RERE: variants seen among roughly 807,000 people sequenced by gnomAD.
RERE encodes arginine-glutamic acid dipeptide repeats, also known as arginine-glutamic acid dipeptide repeats protein.
In RERE, 40 loss-of-function variants were observed where a neutral mutation model predicts 146.1. That is an observed-to-expected ratio of 0.27 (90% CI 0.21 to 0.36). The LOEUF is 0.36. RERE is among the 10% of genes least tolerant of loss of function. RERE has a pLI of 1.00. For missense variants in RERE, 1,933 were observed against 2,138.7 expected, an observed-to-expected ratio of 0.90 and a Z score of 1.90; for synonymous variants, 1,003 against 866.0, an observed-to-expected ratio of 1.16 and a Z score of -2.78.
At chr1:8,664,445 A>G (rs1357054073) in intron 1 of RERE, among the ~76,000 whole-genome samples, 2 of 152,162 alleles carry the variant, frequency 1.3e-5, no homozygotes, top group African/African-American at 4.8e-5. Context: ...GATCCACACA[A>G]GTACATGTCT....
chr1:8,687,385 G>C (rs552639563), intron 1 of RERE, among the ~76,000 whole-genome samples: 5 of 152,124 alleles, frequency 3.3e-5, no homozygotes, highest in South Asian at 2.1e-4. Flanking sequence ...CCCACCATGA[G>C]GCCAAGGAGG....
intron 2 of RERE, among the ~76,000 whole-genome samples, chr1:8,652,533 G>C (rs1647679831): frequency 6.6e-6 from 1 of 152,228 alleles, no homozygotes; most frequent in Non-Finnish European, 1.5e-5. Context: ...ATAAAGGACA[G>C]AGGTTTAATT....
intron 1 of RERE, among the ~76,000 whole-genome samples, chr1:8,656,881 A>C (rs1490920274): frequency 1.3e-5 from 2 of 152,224 alleles, no homozygotes; most frequent in Non-Finnish European, 2.9e-5. Context: ...TGAGAGGCCA[A>C]GCCAGAAGGA....
intron 1 of RERE, among the ~76,000 whole-genome samples, chr1:8,699,282 G>C (rs968002377): frequency 6.6e-5 from 10 of 152,064 alleles, no homozygotes; most frequent in Admixed American, 3.9e-4. Flanking sequence ...ACTTACCCCA[G>C]GTATCACAGT....
Position 8,465,959 on chromosome 1 carries a change from T to C in RERE, c.1169A>G (p.Lys390Arg), listed in dbSNP as rs780701387. The C allele has an allele frequency of 6.8e-5, 110 of 1,614,060 alleles. No homozygotes were observed. The highest frequency in any genetic ancestry group is 8.9e-5 in the Non-Finnish European group (105 of 1,180,026). Residue 390 changes from lysine to arginine, a missense_variant, in exon 11 of 23, where the codon AAG becomes AGG. Around this residue, in one of 11 missense-constraint regions of RERE, gnomAD observed 260 missense variants for 378.4 expected, o/e 0.69. Coordinates refer to ENST00000400908, the MANE Select transcript of RERE (RefSeq NM_001042681.2). Reference protein sequence around the residue: ...LQRLVKKPVPKLIEKCWTEDE... With the variant: ...LQRLVKKPVPRLIEKCWTEDE... ...CTCGGTCCAGCACTTCTCGATGAGC[T>C]TGGGCACAGGCTTCTTCACCAGGCG...
At chr1:8,695,472 AG>A (rs1322088093) in intron 1 of RERE, among the ~76,000 whole-genome samples, 1 of 151,680 alleles carries the variant, frequency 6.6e-6, no homozygotes, top group Non-Finnish European at 1.5e-5. Context: ...ACAAAGGGCC[AG>A]GCATGGTAGC....
At chr1:8,558,549 C>T (rs1003426952) in intron 4 of RERE, among the ~76,000 whole-genome samples, 3 of 152,080 alleles carry the variant, frequency 2.0e-5, no homozygotes, top group African/African-American at 7.2e-5. Flanking sequence ...TCAAGAAATG[C>T]CTCATGTTTA....
chr1:8,726,837 C>T (rs1639979423), intron 1 of RERE, among the ~76,000 whole-genome samples: 1 of 151,898 alleles, frequency 6.6e-6, no homozygotes, highest in Admixed American at 6.6e-5. Context: ...AAGAAGTCTC[C>T]CTCTATTGCC....
chr1:8,730,476 G>A (rs1327262554), intron 1 of RERE, among the ~76,000 whole-genome samples: 1 of 152,094 alleles, frequency 6.6e-6, no homozygotes, highest in Admixed American at 6.5e-5. Context: ...CCAAGTAGCT[G>A]GGATTACAGG....
intron 8 of RERE, among the ~76,000 whole-genome samples, chr1:8,500,679 G>C (rs1645122032): frequency 6.6e-6 from 1 of 150,770 alleles, no homozygotes; most frequent in Admixed American, 6.6e-5. Flanking sequence ...CCATCGTCTG[G>C]GATATGAGGA....
intron 2 of RERE, among the ~76,000 whole-genome samples, chr1:8,627,180 A>G (rs1363376411): frequency 1.3e-5 from 2 of 152,112 alleles, no homozygotes; most frequent in Admixed American, 6.5e-5. Context: ...CTTCTTTTAC[A>G]TAACATTAAC....
chr1:8,463,777 G>C (rs746981205), intron 11 of RERE, among the ~76,000 whole-genome samples: 3 of 152,204 alleles, frequency 2.0e-5, no homozygotes, highest in Non-Finnish European at 4.4e-5. Flanking sequence ...GGAGACTGAA[G>C]AGAGAGGAGA....
intron 19 of RERE, 35 bp downstream of exon 19, chr1:8,359,729 C>T (rs770144760): frequency 4.4e-6 from 7 of 1,591,190 alleles, no homozygotes; most frequent in East Asian, 2.2e-5. Context: ...GATGGACCAG[C>T]GCCCCCCGTC....
At chr1:8,463,690 G>A (rs1041446993) in intron 11 of RERE, among the ~76,000 whole-genome samples, 4 of 152,232 alleles carry the variant, frequency 2.6e-5, no homozygotes, top group African/African-American at 7.2e-5. Context: ...TGGGAGGCAT[G>A]AGTGAGGAGT....
chr1:8,480,274 A>C (rs1644816797), intron 10 of RERE, among the ~76,000 whole-genome samples: 1 of 145,838 alleles, frequency 6.9e-6, no homozygotes, highest in Non-Finnish European at 1.5e-5. Context: ...TGAGTGGCTG[A>C]GATTACGGGT....
intron 7 of RERE, among the ~76,000 whole-genome samples, chr1:8,526,216 A>G (rs1645568884): frequency 6.6e-6 from 1 of 152,102 alleles, no homozygotes. Context: ...CTGCTCTGTC[A>G]GGAACTCAGC....
intron 2 of RERE, among the ~76,000 whole-genome samples, chr1:8,630,766 A>G (rs1470780595): frequency 6.6e-6 from 1 of 152,200 alleles, no homozygotes. Flanking sequence ...ACATACATGG[A>G]AAAGGAAACA....
At chr1:8,663,353 C>T (rs1264616826) in intron 1 of RERE, among the ~76,000 whole-genome samples, 1 of 152,162 alleles carries the variant, frequency 6.6e-6, no homozygotes, top group Non-Finnish European at 1.5e-5. Context: ...TTCTTCCTCA[C>T]TCAACCACAG....
intron 1 of RERE, among the ~76,000 whole-genome samples, chr1:8,675,788 G>T (rs1205639395): frequency 1.5e-5 from 2 of 133,062 alleles, no homozygotes; most frequent in South Asian, 2.4e-4. Context: ...CATACATACA[G>T]GTTGAGTATC....
Sources: allele counts gnomAD v4.1 joint callset (sites outside exome capture counted in the v4.1 genomes callset), GRCh38; gene constraint gnomAD v4.1.1; regional missense constraint gnomAD v4.1.1; transcripts MANE v1.5; gene names NCBI Gene and HGNC (gene_info 2026-07-23, HGNC 2026-07-21).